The following RB1 variants were observed in gnomAD, a reference collection of about 807,000 sequenced individuals.
RB1 encodes RB transcriptional corepressor 1.
Under a neutral mutation model 135.4 loss-of-function variants are expected in RB1, and 18 were observed. The ratio of observed to expected loss-of-function variants is 0.13; its 90% CI spans 0.09 to 0.20. The LOEUF is 0.20. Among genes scored for constraint, RB1 ranks in the 10% least tolerant of loss-of-function variants. The pLI, the probability that RB1 is intolerant of heterozygous loss-of-function variation, is 1.00. For synonymous variants in RB1, 365 were observed against 373.2 expected (o/e 0.98, Z 0.25); for missense variants, 868 against 1,110.0 (o/e 0.78, Z 3.10).
intron 13 of RB1, 77 bp from the exon 14 acceptor site, chr13:48,379,517 C>G: frequency 8.6e-7 from 1 of 1,158,532 alleles, no homozygotes; most frequent in Non-Finnish European, 1.2e-6. Flanking sequence ...GAGACTCCAT[C>G]TCAAAAAAAA....
At chr13:48,328,494 C>T (rs1385325175) in intron 2 of RB1, 6 of 813,048 alleles carry the variant, frequency 7.4e-6, no homozygotes, top group South Asian at 4.0e-5. Flanking sequence ...CTTTCCTCTC[C>T]ATTACTCCAG....
intron 17 of RB1, among the ~76,000 whole-genome samples, chr13:48,396,888 G>GA (rs200951171): frequency 2.0e-5 from 3 of 152,068 alleles, no homozygotes; most frequent in African/African-American, 7.2e-5. Flanking sequence ...ACAAACATAT[G>GA]AAAAAAAGCT....
intron 17 of RB1, among the ~76,000 whole-genome samples, chr13:48,403,203 T>G (rs933161930): frequency 3.9e-5 from 6 of 152,168 alleles, no homozygotes; most frequent in African/African-American, 1.4e-4. Context: ...ACTTTTTGTG[T>G]AACTTGGATT....
chr13:48,398,772 G>A (rs143855179), intron 17 of RB1, among the ~76,000 whole-genome samples: 4 of 152,120 alleles, frequency 2.6e-5, no homozygotes, highest in African/African-American at 7.2e-5. Flanking sequence ...AGGCATATGG[G>A]ACAGTATAAA....
At chr13:48,411,972 G>A (rs1948816034) in intron 17 of RB1, 2 of 1,599,162 alleles carry the variant, frequency 1.3e-6, no homozygotes, top group East Asian at 2.3e-5. Flanking sequence ...AACAAAAACG[G>A]CGGGTGCACT....
At chr13:48,358,184 T>C (rs1952609715) in intron 6 of RB1, among the ~76,000 whole-genome samples, 1 of 152,162 alleles carries the variant, frequency 6.6e-6, no homozygotes, top group Non-Finnish European at 1.5e-5. Flanking sequence ...CAAGCACTCA[T>C]AGGGCATTTT....
chr13:48,312,936 A>T (rs773202036), intron 2 of RB1, among the ~76,000 whole-genome samples: 7 of 152,164 alleles, frequency 4.6e-5, no homozygotes, highest in Non-Finnish European at 8.8e-5. Flanking sequence ...ACCCACTCTC[A>T]GTAGCCTCCA....
rs2070752 is a variant in RB1 at position 48,379,885 on chromosome 13, G to C, written c.1390-168G>C. On this transcript the variant is annotated intron_variant, in intron 14 of 26. Transcript: ENST00000267163. The stretch of plus-strand genomic sequence containing the variant: ...TGAGGCAGGAGAATCCCTTGAACCA[G>C]GGAGGTGGAGGTTGCAGTGAGCCAA... Among the ~76,000 whole-genome samples, 117,043 of 149,164 alleles carry C rather than the reference G, an allele frequency of 0.78. 51,517 individuals are homozygous for C. The highest frequency in any genetic ancestry group is 0.97 in the Non-Finnish European group (65,657 of 67,646).
chr13:48,317,776 C>A, intron 2 of RB1: 1 of 378,938 alleles, frequency 2.6e-6, no homozygotes, highest in South Asian at 2.6e-5. Context: ...CTCTGCACCT[C>A]ATGGCCCTTC....
intron 24 of RB1, among the ~76,000 whole-genome samples, chr13:48,474,397 C>T (rs774259131): frequency 6.6e-6 from 1 of 152,034 alleles, no homozygotes; most frequent in African/African-American, 2.4e-5. Flanking sequence ...ACATGAAATT[C>T]GAAGGGTTTT....
intron 17 of RB1, among the ~76,000 whole-genome samples, chr13:48,405,622 A>G (rs1421476179): frequency 1.3e-5 from 2 of 152,240 alleles, no homozygotes; most frequent in South Asian, 2.1e-4. Flanking sequence ...GCAGCCAGAA[A>G]GTAGAGCCTG....
In RB1 at chr13:48,320,316, C is replaced by T. The variant is rs896978627; in HGVS notation, c.264+12910C>T. 10 of 1,237,246 alleles carry T rather than the reference C, an allele frequency of 8.1e-6. No individual in the cohort carries two copies. The African/African-American group carries it at 1.2e-4, about 15-fold the overall frequency. The allele number at this position is 1,237,246 out of a possible 1,614,324, so 76.6% of individuals were successfully genotyped here. ...CCCGAGCAACCCCGCTGCGCTGCAGCGTGCTGATGAGCATCTGCACCCGGG... is the reference window on the plus strand; with the variant it reads ...CCCGAGCAACCCCGCTGCGCTGCAGTGTGCTGATGAGCATCTGCACCCGGG... On this transcript the variant is annotated intron_variant, in intron 2 of 26. Coordinates refer to ENST00000267163, the MANE Select transcript of RB1 (RefSeq NM_000321.3).
At chr13:48,304,783 T>G (rs1054346363) in intron 1 of RB1, among the ~76,000 whole-genome samples, 1 of 152,168 alleles carries the variant, frequency 6.6e-6, no homozygotes, top group Non-Finnish European at 1.5e-5. Flanking sequence ...TCCTGTTTGA[T>G]GAACTCTTCT....
intron 17 of RB1, among the ~76,000 whole-genome samples, chr13:48,443,949 A>C (rs1192004901): frequency 6.6e-6 from 1 of 152,140 alleles, no homozygotes; most frequent in Admixed American, 6.5e-5. Flanking sequence ...TCATACCACC[A>C]CAACAGTTGT....
chr13:48,454,606 A>G (rs1949348924), intron 18 of RB1, among the ~76,000 whole-genome samples: 2 of 152,216 alleles, frequency 1.3e-5, no homozygotes, highest in African/African-American at 2.4e-5. Context: ...CCAAGATGTA[A>G]GATGATTTTA....
chr13:48,472,083 T>C (rs1231141161), intron 23 of RB1, among the ~76,000 whole-genome samples: 1 of 152,180 alleles, frequency 6.6e-6, no homozygotes, highest in East Asian at 1.9e-4. Context: ...GTTGACTAAT[T>C]ATATGTTATC....
intron 17 of RB1, among the ~76,000 whole-genome samples, chr13:48,390,155 A>T (rs2138157386): frequency 6.6e-6 from 1 of 152,310 alleles, no homozygotes; most frequent in South Asian, 2.1e-4. Context: ...TCAAAAACAA[A>T]CAAAACAAGC....
chr13:48,447,464 G>T (rs1300241371), intron 17 of RB1, among the ~76,000 whole-genome samples: 3 of 152,120 alleles, frequency 2.0e-5, no homozygotes, highest in African/African-American at 7.2e-5. Flanking sequence ...TACGTTTGAG[G>T]AAATAGAGTG....
chr13:48,382,121 T>C (rs1948541046), intron 17 of RB1, among the ~76,000 whole-genome samples: 1 of 152,212 alleles, frequency 6.6e-6, no homozygotes, highest in Non-Finnish European at 1.5e-5. Flanking sequence ...TGTTGGACAT[T>C]TGGGTTGCTT....
Sources: gnomAD v4.1 joint callset for allele counts (sites outside exome capture counted in the v4.1 genomes callset) on GRCh38, gnomAD v4.1.1 for gene constraint, MANE v1.5 for transcripts, NCBI Gene and HGNC (gene_info 2026-07-23, HGNC 2026-07-21) for gene names.